TRPC4: variants seen among roughly 807,000 people sequenced by gnomAD.
TRPC4 encodes the protein short transient receptor potential channel 4.
TRPC4 carries 49 observed loss-of-function variants against 99.4 expected under a neutral mutation model. The ratio of observed to expected loss-of-function variants is 0.49; its 90% CI spans 0.39 to 0.63. The LOEUF (loss-of-function observed/expected upper bound fraction) is 0.63, where lower values mean the gene tolerates loss of function less well. Among genes scored for constraint, TRPC4 ranks in the 20% least tolerant of loss-of-function variants. TRPC4 has a pLI of 0.00. For missense variants in TRPC4, 898 were observed against 1,152.9 expected, an observed-to-expected ratio of 0.78 and a Z score of 3.20; for synonymous variants, 454 against 425.9, an observed-to-expected ratio of 1.07 and a Z score of -0.81.
At chr13:37,832,977 A>G (rs562045039) in intron 1 of TRPC4, among the ~76,000 whole-genome samples, 6 of 152,224 alleles carry the variant, frequency 3.9e-5, no homozygotes, top group African/African-American at 1.4e-4. Context: ...AGCAGTATCG[A>G]GTCCTGCTTC....
At chr13:37,733,817 G>A (rs1156959454) in intron 3 of TRPC4, among the ~76,000 whole-genome samples, 1 of 152,168 alleles carries the variant, frequency 6.6e-6, no homozygotes, top group East Asian at 1.9e-4. Flanking sequence ...TTAGATACGG[G>A]TGGAGGACGA....
chr13:37,707,060 C>G (rs985655749), intron 3 of TRPC4, among the ~76,000 whole-genome samples: 2 of 152,084 alleles, frequency 1.3e-5, no homozygotes, highest in Admixed American at 6.6e-5. Flanking sequence ...ATTAAAGAAT[C>G]TGTGTCCTTG....
rs146884806 is a variant in TRPC4 at position 37,797,073 on chromosome 13, G to C, written c.-27-13713C>G. ...CTCACGCTTGTAATCCCAGCACTTC[G>C]AGAGACTGACACAGGAGGATTGCTT... On this transcript the variant is annotated intron_variant, in intron 1 of 10. Coordinates refer to ENST00000379705, the MANE Select transcript of TRPC4 (RefSeq NM_016179.4). Among the ~76,000 whole-genome samples the C allele has an allele frequency of 5.2e-3, 795 of 151,512 alleles. 9 individuals carry two copies. Among genetic ancestry groups the C allele is most frequent in the African/African-American group, 0.018 (753 of 41,250 alleles).
At chr13:37,766,493 T>C (rs1593693988) in intron 2 of TRPC4, among the ~76,000 whole-genome samples, 2 of 151,446 alleles carry the variant, frequency 1.3e-5, no homozygotes, top group Non-Finnish European at 3.0e-5. Flanking sequence ...CTATGGATCC[T>C]TTTTGGGAGT....
chr13:37,745,519 C>T (rs12869304), intron 3 of TRPC4, among the ~76,000 whole-genome samples: 49,662 of 104,616 alleles, frequency 0.47, 10,922 homozygotes, highest in Non-Finnish European at 0.56. Flanking sequence ...TATATATATA[C>T]GTATATATGT....
At chr13:37,734,359 G>A (rs1955332949) in intron 3 of TRPC4, among the ~76,000 whole-genome samples, 1 of 152,070 alleles carries the variant, frequency 6.6e-6, no homozygotes, top group Non-Finnish European at 1.5e-5. Context: ...ATTTGAACTT[G>A]GCCTAGGGCT....
At chr13:37,748,962 C>T (rs955250921) in intron 2 of TRPC4, among the ~76,000 whole-genome samples, 1 of 152,000 alleles carries the variant, frequency 6.6e-6, no homozygotes, top group African/African-American at 2.4e-5. Flanking sequence ...GTGTCCTCAC[C>T]CAAATCTCAT....
At chr13:37,745,196 C>T (rs1050469462) in intron 3 of TRPC4, among the ~76,000 whole-genome samples, 3 of 151,490 alleles carry the variant, frequency 2.0e-5, no homozygotes, top group African/African-American at 7.3e-5. Flanking sequence ...TCTATATATA[C>T]AGTTGTCCCC....
intron 2 of TRPC4, among the ~76,000 whole-genome samples, chr13:37,775,227 T>G (rs1312587747): frequency 6.6e-6 from 1 of 151,754 alleles, no homozygotes; most frequent in Non-Finnish European, 1.5e-5. Flanking sequence ...CATTATTAAT[T>G]TAATCAAATA....
intron 4 of TRPC4, among the ~76,000 whole-genome samples, chr13:37,676,092 T>G (rs976519371): frequency 6.6e-6 from 1 of 152,112 alleles, no homozygotes; most frequent in Admixed American, 6.5e-5. Context: ...AGAAGAGGCA[T>G]GTACACTTTC....
chr13:37,633,626 C>T lies in TRPC4; in HGVS notation c.*3277G>A, dbSNP rs1173212395. Among the ~76,000 whole-genome samples the T allele has an allele frequency of 6.6e-6, 1 of 152,094 alleles. No individual in the cohort carries two copies. Among genetic ancestry groups the T allele is most frequent in the East Asian group, 1.9e-4 (1 of 5,204 alleles). ...GGTGAGTCTACTATCCTTGACTTTT[C>T]ATCAATTTGTTTCATCACTAAAGTA... On this transcript the variant is annotated 3_prime_UTR_variant, in exon 11 of 11. Transcript: ENST00000379705.
chr13:37,763,339 G>A (rs1334260352), intron 2 of TRPC4, among the ~76,000 whole-genome samples: 1 of 151,556 alleles, frequency 6.6e-6, no homozygotes, highest in East Asian at 1.9e-4. Flanking sequence ...GGTAGCTATG[G>A]TGGTGGAAGC....
Position 37,713,349 on chromosome 13 carries a change from G to T in TRPC4, c.898-21014C>A, listed in dbSNP as rs1954547191. ...CATTCTTTTATCTAGATAATAAAAG[G>T]CATTAAACAAGTAATCCTGGTTTAA... On this transcript the variant is annotated intron_variant, in intron 3 of 10. Transcript: ENST00000379705. 2.6e-5 allele frequency among the ~76,000 whole-genome samples: 4 copies of T among 152,110 alleles called. 1 individual carries two copies. In the South Asian group the frequency reaches 8.3e-4, roughly 31 times the overall value.
intron 2 of TRPC4, among the ~76,000 whole-genome samples, chr13:37,765,996 TTTC>T (rs753384630): frequency 2.6e-5 from 4 of 151,398 alleles, no homozygotes; most frequent in African/African-American, 9.7e-5. Flanking sequence ...ACTTTCCATT[TTTC>T]TTCATTAGGT....
chr13:37,716,267 G>A (rs1363331797), intron 3 of TRPC4, among the ~76,000 whole-genome samples: 7 of 152,086 alleles, frequency 4.6e-5, no homozygotes, highest in Non-Finnish European at 1.0e-4. Context: ...AAAATTCTAA[G>A]TACTAAAATA....
At chr13:37,674,433 A>C in intron 4 of TRPC4, 66 bp from the exon 5 acceptor site, 6 of 1,521,264 alleles carry the variant, frequency 3.9e-6, no homozygotes, top group Non-Finnish European at 5.3e-6. Context: ...GCAATATACA[A>C]TTTAACAATT....
chr13:37,720,843 C>T (rs1174684858), intron 3 of TRPC4, among the ~76,000 whole-genome samples: 1 of 152,152 alleles, frequency 6.6e-6, no homozygotes, highest in Admixed American at 6.6e-5. Flanking sequence ...TACAGAGACA[C>T]AGCTCAGGAT....
chr13:37,758,706 T>G (rs991626149), intron 2 of TRPC4, among the ~76,000 whole-genome samples: 7 of 151,604 alleles, frequency 4.6e-5, no homozygotes, highest in Admixed American at 2.0e-4. Context: ...AAATCTATAC[T>G]TTTCTTAACA....
intron 2 of TRPC4, among the ~76,000 whole-genome samples, chr13:37,773,657 T>C (rs897741138): frequency 2.0e-5 from 3 of 151,670 alleles, no homozygotes; most frequent in African/African-American, 7.3e-5. Flanking sequence ...AAAATGACAA[T>C]AATGAAAGAA....
Sources: gnomAD v4.1 joint callset for allele counts (sites outside exome capture counted in the v4.1 genomes callset) on GRCh38, gnomAD v4.1.1 for gene constraint, MANE v1.5 for transcripts, NCBI Gene and HGNC (gene_info 2026-07-23, HGNC 2026-07-21) for gene names.